Variants in ABCC1 observed in about 807,000 individuals in gnomAD.
The protein encoded by ABCC1 is ATP binding cassette subfamily C member 1 (ABCC1 blood group).
ABCC1 carries 83 observed loss-of-function variants against 172.9 expected under a neutral mutation model. The observed-to-expected ratio is 0.48, with a 90% CI of 0.40 to 0.58. The LOEUF is 0.58. Ranked by LOEUF, ABCC1 falls within the 20% of genes least tolerant of loss-of-function variation. ABCC1 has a pLI of 0.00. For missense variants in ABCC1, 1,817 were observed against 2,002.7 expected (o/e 0.91, Z 1.77); for synonymous variants, 937 against 825.2 (o/e 1.14, Z -2.32).
chr16:16,072,337 C>T (rs1452752934), intron 14 of ABCC1, among the ~76,000 whole-genome samples: 1 of 151,948 alleles, frequency 6.6e-6, no homozygotes, highest in Non-Finnish European at 1.5e-5. Context: ...CACACAGCAC[C>T]ATACTTGGAT....
intron 26 of ABCC1, among the ~76,000 whole-genome samples, chr16:16,126,391 T>G (rs1374202110): frequency 1.3e-5 from 2 of 152,128 alleles, no homozygotes; most frequent in Non-Finnish European, 2.9e-5. Context: ...ATGAATTTGG[T>G]TTTTTTGTGT....
chr16:16,127,842 G>A (rs2045500708), intron 26 of ABCC1, among the ~76,000 whole-genome samples: 1 of 151,914 alleles, frequency 6.6e-6, no homozygotes, highest in African/African-American at 2.4e-5. Flanking sequence ...CCCCCGTGAG[G>A]AACCAAGGGT....
intron 1 of ABCC1, among the ~76,000 whole-genome samples, chr16:15,959,303 C>CA (rs2046074990): frequency 6.6e-6 from 1 of 152,040 alleles, no homozygotes; most frequent in Non-Finnish European, 1.5e-5. Flanking sequence ...CCTGGGAAAA[C>CA]AAAAATGGCT....
chr16:16,099,052 T>G (rs1039338159), intron 19 of ABCC1: 55 of 661,468 alleles, frequency 8.3e-5, no homozygotes, highest in South Asian at 7.1e-4. Context: ...ACACATTTAC[T>G]GGGTACCTAC....
At chr16:15,960,922 A>G (rs1432410392) in intron 1 of ABCC1, among the ~76,000 whole-genome samples, 1 of 152,038 alleles carries the variant, frequency 6.6e-6, no homozygotes, top group African/African-American at 2.4e-5. Flanking sequence ...TTACCAGCTC[A>G]GCAAGGAAGT....
chr16:16,054,847 G>T (rs558491815), intron 11 of ABCC1, among the ~76,000 whole-genome samples: 1 of 152,292 alleles, frequency 6.6e-6, no homozygotes, highest in East Asian at 1.9e-4. Flanking sequence ...ACAAAATCCT[G>T]GGTGGTAGTA....
intron 7 of ABCC1, among the ~76,000 whole-genome samples, chr16:16,037,540 C>T (rs1376732710): frequency 6.6e-6 from 1 of 152,168 alleles, no homozygotes; most frequent in Non-Finnish European, 1.5e-5. Context: ...CGAGCCCGGA[C>T]GAACTGGAAC....
In ABCC1 at chr16:16,123,581, C is replaced by T. The variant is rs574117736; in HGVS notation, c.3591-1208C>T. On this transcript the variant is annotated intron_variant, in intron 24 of 30. Transcript: ENST00000399410. Reference sequence around the variant, plus strand: ...GGCAGAGGTTGCAGTGAGCCAAGACCGCACCATTGCACTCCAGCCTGGGCA... The same window carrying T: ...GGCAGAGGTTGCAGTGAGCCAAGACTGCACCATTGCACTCCAGCCTGGGCA... Among the ~76,000 whole-genome samples the T allele has an allele frequency of 3.8e-4, 57 of 151,866 alleles. No individual in the cohort carries two copies. In the Middle Eastern group the frequency reaches 0.014, roughly 36 times the overall value.
chr16:16,052,691 G>A, intron 10 of ABCC1, 33 bp from the exon 11 acceptor site: 1 of 1,605,570 alleles, frequency 6.2e-7, no homozygotes, highest in Middle Eastern at 1.7e-4. Flanking sequence ...CTTCTGTCTG[G>A]TGAGTGATGA....
chr16:16,118,883 T>TAA (rs397855738), intron 23 of ABCC1, among the ~76,000 whole-genome samples: 106 of 118,418 alleles, frequency 9.0e-4, no homozygotes, highest in African/African-American at 2.4e-3. Context: ...AAGTGTATAT[T>TAA]AAAAAAAAAA....
chr16:15,985,499 C>T (rs998800600), intron 1 of ABCC1, among the ~76,000 whole-genome samples: 7 of 152,130 alleles, frequency 4.6e-5, no homozygotes, highest in African/African-American at 1.7e-4. Flanking sequence ...GGCTGGAGTG[C>T]AATGGCACCA....
Position 16,095,960 on chromosome 16 carries a change from C to G in ABCC1, c.2644+5372C>G, listed in dbSNP as rs574619905. Reference sequence around the variant, plus strand: ...AACATGTGCTCATCGTAGACATTTGCAAACTACAAAAGAGTACAAAGAATC... The same window carrying G: ...AACATGTGCTCATCGTAGACATTTGGAAACTACAAAAGAGTACAAAGAATC... On this transcript the variant is annotated intron_variant, in intron 19 of 30. Coordinates refer to ENST00000399410, the MANE Select transcript of ABCC1 (RefSeq NM_004996.4). Among the ~76,000 whole-genome samples, 24 of 152,182 alleles carry G rather than the reference C, an allele frequency of 1.6e-4. No individual in the cohort carries two copies. In the South Asian group the frequency reaches 4.6e-3, roughly 29 times the overall value.
At chr16:16,026,506 C>G (rs2048380599) in intron 5 of ABCC1, among the ~76,000 whole-genome samples, 2 of 103,390 alleles carry the variant, frequency 1.9e-5, no homozygotes, top group Non-Finnish European at 4.2e-5. Flanking sequence ...AAGGGGGGAC[C>G]CTGTGTTGGC....
At chr16:16,133,428 G>A (rs1441632733) in intron 27 of ABCC1, among the ~76,000 whole-genome samples, 3 of 151,678 alleles carry the variant, frequency 2.0e-5, no homozygotes, top group African/African-American at 7.3e-5. Flanking sequence ...TTTTGAGACA[G>A]CCTCTCACTC....
intron 1 of ABCC1, among the ~76,000 whole-genome samples, chr16:15,991,168 A>G (rs2151631109): frequency 6.6e-6 from 1 of 152,132 alleles, no homozygotes; most frequent in South Asian, 2.1e-4. Flanking sequence ...TCTCTAGTTC[A>G]GCAGTGCTAG....
intron 5 of ABCC1, among the ~76,000 whole-genome samples, chr16:16,026,644 G>A (rs913443666): frequency 2.0e-5 from 3 of 149,662 alleles, no homozygotes; most frequent in Non-Finnish European, 4.5e-5. Context: ...TGCTGGGCGC[G>A]GTGGGTCATG....
At chr16:16,110,948 T>C (rs1315891497) in intron 21 of ABCC1, among the ~76,000 whole-genome samples, 1 of 152,316 alleles carries the variant, frequency 6.6e-6, no homozygotes, top group African/African-American at 2.4e-5. Context: ...TCGCCCAGGC[T>C]GGAGTGCAGT....
intron 19 of ABCC1, among the ~76,000 whole-genome samples, chr16:16,098,560 G>A (rs757188515): frequency 2.0e-5 from 3 of 152,174 alleles, no homozygotes; most frequent in African/African-American, 7.2e-5. Flanking sequence ...CGGAGGTTGC[G>A]GTGAGCTAAG....
Position 16,134,415 on chromosome 16 carries a change from C to T in ABCC1, c.4032C>T (p.Asn1344=), listed in dbSNP as rs759458508. 9.9e-6 allele frequency: 16 copies of T among 1,613,996 alleles called. No homozygotes were observed. The highest frequency in any genetic ancestry group is 4.5e-5 in the East Asian group (2 of 44,870). The change falls in exon 28 of 31, where the codon AAC becomes AAT. Residue 1344 remains asparagine, a synonymous_variant. Transcript: ENST00000399410. ...TGACCCTGGGCTTATTTCGGATCAACGAGTCTGCCGAAGGAGAGATCATCA... is the reference window on the plus strand; with the variant it reads ...TGACCCTGGGCTTATTTCGGATCAATGAGTCTGCCGAAGGAGAGATCATCA... ...SSLTLGLFRI[N]ESAEGEIIID...
Sources: gnomAD v4.1 joint callset for allele counts (sites outside exome capture counted in the v4.1 genomes callset) on GRCh38, gnomAD v4.1.1 for gene constraint, MANE v1.5 for transcripts, NCBI Gene and HGNC (gene_info 2026-07-23, HGNC 2026-07-21) for gene names.